The following GAK variants were observed in gnomAD, a reference collection of about 807,000 sequenced individuals.
The protein encoded by GAK is cyclin-G-associated kinase.
In GAK, 79 loss-of-function variants were observed where a neutral mutation model predicts 143.9. That is an observed-to-expected ratio of 0.55 (90% CI 0.46 to 0.66). GAK has a LOEUF of 0.66. GAK is among the 30% of genes least tolerant of loss of function. GAK has a pLI of 0.00. For synonymous variants in GAK, 881 were observed against 765.5 expected (o/e 1.15, Z -2.49); for missense variants, 1,693 against 1,779.7 (o/e 0.95, Z 0.88).
chr4:912,082 C>T (rs1217654823), intron 3 of GAK: 3 of 473,022 alleles, frequency 6.3e-6, no homozygotes, highest in Non-Finnish European at 1.3e-5. Context: ...GGAGGCAGGG[C>T]CCTCAGGGGG....
At chr4:912,839 C>G (rs1722279505) in intron 2 of GAK, 45 bp from the exon 3 acceptor site, 5 of 1,546,884 alleles carry the variant, frequency 3.2e-6, no homozygotes, top group Non-Finnish European at 3.6e-6. Flanking sequence ...GCAAGTTTAC[C>G]TTCCTACTCC....
At chr4:852,831 G>C (rs1050733988) in intron 24 of GAK, 4 of 152,302 alleles carry the variant, frequency 2.6e-5, no homozygotes, top group African/African-American at 7.2e-5. Context: ...CCCAGGGAGG[G>C]CGTCTCTCAT....
chr4:870,679 AG>A, intron 19 of GAK, 31 bp downstream of exon 19: 1 of 1,606,270 alleles, frequency 6.2e-7, no homozygotes, highest in Non-Finnish European at 8.5e-7. Context: ...TCACCAGAAC[AG>A]GGTTCACCTA....
intron 18 of GAK, among the ~76,000 whole-genome samples, chr4:876,061 G>A (rs960840488): frequency 1.3e-5 from 2 of 152,000 alleles, no homozygotes; most frequent in East Asian, 1.9e-4. Flanking sequence ...GGGCACCAAC[G>A]TCAAGAGGAC....
At chr4:900,897 T>C in intron 5 of GAK, among the ~76,000 whole-genome samples, 1 of 152,094 alleles carries the variant, frequency 6.6e-6, no homozygotes, top group South Asian at 2.1e-4. Context: ...TCCACAGCGG[T>C]GGCCATGGGA....
At chr4:875,348 A>C (rs1713625961) in intron 18 of GAK, among the ~76,000 whole-genome samples, 2 of 152,216 alleles carry the variant, frequency 1.3e-5, no homozygotes, top group African/African-American at 4.8e-5. Context: ...CAAGAGATGT[A>C]AAAAAAGAAT....
At chr4:870,985 A>T (rs1712469298) in intron 18 of GAK, 81 bp from the exon 19 acceptor site, 1 of 1,276,038 alleles carries the variant, frequency 7.8e-7, no homozygotes, top group Admixed American at 2.3e-5. Flanking sequence ...AGAAACGTGC[A>T]TGGAAACAGG....
chr4:884,495 C>T (rs545160336), intron 11 of GAK: 6 of 195,740 alleles, frequency 3.1e-5, no homozygotes, highest in South Asian at 8.2e-5. Flanking sequence ...AGGCTCCACG[C>T]GCTGCCCAGG....
chr4:850,401 C>A, intron 26 of GAK: 1 of 271,108 alleles, frequency 3.7e-6, no homozygotes. Context: ...AGGGGATGGT[C>A]CCTGGTGCCT....
At position 868,691 on chromosome 4, in the gene GAK, G is replaced by T; in HGVS notation, c.2249-6C>A. On this transcript the variant is annotated splice_region_variant and splice_polypyrimidine_tract_variant and intron_variant, in intron 19 of 27. Transcript: ENST00000314167. Reference sequence around the variant, plus strand: ...CCGGGGAAGCTCCGGCTTCCCTGCAGGAGAGGGAGGGCGTCAGGGCACTGG... The same window carrying T: ...CCGGGGAAGCTCCGGCTTCCCTGCATGAGAGGGAGGGCGTCAGGGCACTGG... The T allele has an allele frequency of 6.5e-7, 1 of 1,548,204 alleles. No individual in the cohort carries two copies.
At chr4:891,816 C>G (rs1466931914) in intron 9 of GAK, among the ~76,000 whole-genome samples, 1 of 152,180 alleles carries the variant, frequency 6.6e-6, no homozygotes, top group Non-Finnish European at 1.5e-5. Context: ...TGCTAAAGAG[C>G]AGGACGGCCC....
intron 10 of GAK, among the ~76,000 whole-genome samples, chr4:889,622 G>A (rs576292805): frequency 3.9e-5 from 6 of 152,278 alleles, no homozygotes; most frequent in South Asian, 4.1e-4. Context: ...TGCACGGACC[G>A]GGGTGCCCCA....
chr4:859,586 CA>C lies in GAK; in HGVS notation c.3283+19del. ...TACAAGGAAACAGCTTCCACACCCC[CA>C]AAGTGCCCTCCACGTTACCTTGGAG... is the stretch of plus-strand genomic sequence containing the variant. On this transcript the variant is annotated intron_variant, in intron 24 of 27. Transcript: ENST00000314167. 6.3e-7 allele frequency: 1 copy of C among 1,590,714 alleles called. No homozygotes were observed. The highest frequency in any genetic ancestry group is 2.3e-5 in the East Asian group (1 of 44,174).
intron 23 of GAK, among the ~76,000 whole-genome samples, chr4:862,515 G>A (rs752021836): frequency 6.6e-6 from 1 of 152,212 alleles, no homozygotes; most frequent in East Asian, 1.9e-4. Context: ...AAAATTAGCC[G>A]GGCGTGGTGG....
intron 23 of GAK, among the ~76,000 whole-genome samples, chr4:861,245 C>T (rs1328849505): frequency 3.3e-5 from 5 of 152,118 alleles, no homozygotes; most frequent in Non-Finnish European, 7.3e-5. Context: ...GCAAGTGTCT[C>T]ACTTGAAATC....
intron 22 of GAK, among the ~76,000 whole-genome samples, chr4:866,082 AG>A (rs1449928991): frequency 6.6e-6 from 1 of 152,216 alleles, no homozygotes; most frequent in Admixed American, 6.5e-5. Context: ...GGGCCTGAGG[AG>A]GCCTGGAGAA....
rs2152882411 is a variant in GAK, at chr4:898,090, G to A, written c.594C>T (p.Ile198=). The change falls in exon 6 of 28, where the codon ATC becomes ATT. Residue 198 remains isoleucine, a synonymous_variant. Coordinates refer to ENST00000314167, the MANE Select transcript of GAK (RefSeq NM_005255.4). ...KLCDFGSATT[I]SHYPDYSWSA... ...TCCAGCTGTAGTCAGGGTAGTGCGA[G>A]ATGGTCGTGGCACTGCCAAAGTCAC... is the stretch of plus-strand genomic sequence containing the variant. The A allele has an allele frequency of 2.5e-6, 4 of 1,614,192 alleles. No individual in the cohort carries two copies. Among genetic ancestry groups the A allele is most frequent in the Non-Finnish European group, 3.4e-6 (4 of 1,179,994 alleles).
intron 11 of GAK, among the ~76,000 whole-genome samples, chr4:884,789 G>A (rs1274418264): frequency 6.6e-6 from 1 of 152,240 alleles, no homozygotes; most frequent in East Asian, 1.9e-4. Flanking sequence ...TCCCTCCCAG[G>A]ACAGAGCAGG....
At chr4:873,290 T>C (rs1186878644) in intron 18 of GAK, among the ~76,000 whole-genome samples, 1 of 152,248 alleles carries the variant, frequency 6.6e-6, no homozygotes, top group Non-Finnish European at 1.5e-5. Context: ...GATTTCCTTT[T>C]TGGCACACAG....
Sources: allele counts gnomAD v4.1 joint callset (sites outside exome capture counted in the v4.1 genomes callset), GRCh38; gene constraint gnomAD v4.1.1; transcripts MANE v1.5; gene names NCBI Gene and HGNC (gene_info 2026-07-23, HGNC 2026-07-21).